Variants in MARCHF1 observed in about 807,000 individuals in gnomAD.
The protein encoded by MARCHF1 is membrane associated ring-CH-type finger 1, also known as E3 ubiquitin-protein ligase MARCHF1.
A neutral mutation model predicts 54.2 loss-of-function variants in MARCHF1; 40 were observed. That is an observed-to-expected ratio of 0.74 (90% confidence interval 0.57 to 0.96). The LOEUF is 0.96. Ranked by LOEUF, MARCHF1 falls within the 40% of genes least tolerant of loss-of-function variation. The pLI, the probability that MARCHF1 is intolerant of heterozygous loss-of-function variation, is 0.00. For missense variants in MARCHF1, 586 were observed against 656.5 expected (o/e 0.89, Z 1.17); for synonymous variants, 236 against 236.3 (o/e 1.00, Z 0.01).
intron 4 of MARCHF1, among the ~76,000 whole-genome samples, chr4:163,811,969 C>T (rs1487146718): frequency 6.6e-6 from 1 of 152,000 alleles, no homozygotes; most frequent in African/African-American, 2.4e-5. Context: ...AATGACTCTC[C>T]CCAATGTGGT....
chr4:164,038,234 C>T (rs1431232451), intron 2 of MARCHF1, among the ~76,000 whole-genome samples: 1 of 152,166 alleles, frequency 6.6e-6, no homozygotes, highest in African/African-American at 2.4e-5. Context: ...TGGCTTATAC[C>T]TGTAATCCCA....
chr4:163,823,343 G>A (rs961631545), intron 4 of MARCHF1, among the ~76,000 whole-genome samples: 1 of 151,770 alleles, frequency 6.6e-6, no homozygotes, highest in African/African-American at 2.4e-5. Context: ...GTTGATATAT[G>A]ATAGAATCAT....
intron 5 of MARCHF1, among the ~76,000 whole-genome samples, chr4:163,615,885 ACCC>A (rs1741493164): frequency 6.6e-6 from 1 of 152,094 alleles, no homozygotes; most frequent in Non-Finnish European, 1.5e-5. Flanking sequence ...AGACACATAG[ACCC>A]ATGGAACACA....
chr4:164,213,810 T>C (rs1731849275), intron 1 of MARCHF1, among the ~76,000 whole-genome samples: 1 of 151,964 alleles, frequency 6.6e-6, no homozygotes, highest in Admixed American at 6.5e-5. Context: ...ACAATAAAAA[T>C]CTTATTAATT....
At chr4:163,890,388 T>A (rs552592320) in intron 3 of MARCHF1, among the ~76,000 whole-genome samples, 5 of 152,298 alleles carry the variant, frequency 3.3e-5, no homozygotes, top group Admixed American at 6.5e-5. Flanking sequence ...CTCTGTTTTT[T>A]CTTCTTGTTT....
chr4:164,060,351 T>C (rs114360889), intron 2 of MARCHF1, among the ~76,000 whole-genome samples: 1,924 of 152,164 alleles, frequency 0.013, 29 homozygotes, highest in African/African-American at 0.041. Flanking sequence ...AAAAGACATA[T>C]TGTAGAATTT....
chr4:163,865,851 T>A (rs1240885173), intron 3 of MARCHF1, among the ~76,000 whole-genome samples: 1 of 151,638 alleles, frequency 6.6e-6, no homozygotes, highest in African/African-American at 2.4e-5. Flanking sequence ...ATGAATATAG[T>A]TTTTTTCTGA....
intron 4 of MARCHF1, among the ~76,000 whole-genome samples, chr4:163,703,242 A>G (rs950624011): frequency 6.6e-6 from 1 of 151,960 alleles, no homozygotes; most frequent in African/African-American, 2.4e-5. Context: ...TTTTTTTTAC[A>G]TAAACATCTT....
intron 3 of MARCHF1, among the ~76,000 whole-genome samples, chr4:163,894,480 A>G (rs1267764396): frequency 6.6e-6 from 1 of 151,408 alleles, no homozygotes; most frequent in Non-Finnish European, 1.5e-5. Flanking sequence ...CAGCCTCTGT[A>G]AGAATAAAGA....
At chr4:164,301,593 A>G (rs1439797769) in intron 1 of MARCHF1, among the ~76,000 whole-genome samples, 1 of 152,198 alleles carries the variant, frequency 6.6e-6, no homozygotes, top group Admixed American at 6.5e-5. Context: ...AAACCTTGGG[A>G]GTGGGCAAAA....
chr4:163,869,739 T>C (rs1254093550), intron 3 of MARCHF1, among the ~76,000 whole-genome samples: 4 of 152,128 alleles, frequency 2.6e-5, no homozygotes, highest in Non-Finnish European at 5.9e-5. Flanking sequence ...CAATGACTAT[T>C]CTATATTACA....
rs908715858 is a variant in MARCHF1, at chr4:164,275,185, C to CA, written c.-323+108684dup. Among the ~76,000 whole-genome samples, 196 of 151,318 alleles carry CA rather than the reference C, an allele frequency of 1.3e-3. 1 individual carries two copies. The highest frequency in any genetic ancestry group is 4.5e-3 in the African/African-American group (186 of 41,244). On this transcript the variant is annotated intron_variant, in intron 1 of 9. Coordinates refer to ENST00000514618, the MANE Select transcript of MARCHF1 (RefSeq NM_001394959.1). ...GTAACTACATACCAACACAGAATTCCAAAAAAAGAAATGGAGAGGAAGGGA... is the reference window on the plus strand; with the variant it reads ...GTAACTACATACCAACACAGAATTCCAAAAAAAAGAAATGGAGAGGAAGGGA...
intron 2 of MARCHF1, among the ~76,000 whole-genome samples, chr4:163,997,685 T>C (rs1409177643): frequency 1.3e-5 from 2 of 151,962 alleles, no homozygotes; most frequent in Non-Finnish European, 2.9e-5. Flanking sequence ...TATAGTAATA[T>C]ATTTTGCTAA....
intron 1 of MARCHF1, among the ~76,000 whole-genome samples, chr4:164,368,167 T>C (rs1730932759): frequency 6.7e-6 from 1 of 148,188 alleles, no homozygotes. Context: ...TTTTCTTATA[T>C]ATGTTTAAAA....
At chr4:163,895,174 T>C (rs938385278) in intron 3 of MARCHF1, among the ~76,000 whole-genome samples, 4 of 152,192 alleles carry the variant, frequency 2.6e-5, no homozygotes, top group African/African-American at 7.2e-5. Flanking sequence ...TGTATAACAA[T>C]GCACTTGCAA....
At chr4:163,724,861 G>A (rs533010374) in intron 4 of MARCHF1, among the ~76,000 whole-genome samples, 40 of 152,200 alleles carry the variant, frequency 2.6e-4, no homozygotes, top group Non-Finnish European at 4.7e-4. Context: ...TTGGAAAAGC[G>A]CAGTATTAGG....
chr4:163,784,729 A>G (rs1292355579), intron 4 of MARCHF1, among the ~76,000 whole-genome samples: 1 of 152,164 alleles, frequency 6.6e-6, no homozygotes, highest in Admixed American at 6.6e-5. Flanking sequence ...GAAAACAGTA[A>G]TCATTAAATG....
chr4:163,535,875 G>A (rs1049779325), intron 9 of MARCHF1, among the ~76,000 whole-genome samples: 12 of 151,930 alleles, frequency 7.9e-5, no homozygotes, highest in Admixed American at 7.2e-4. Flanking sequence ...TTGTTCTCTG[G>A]GGGACATTTA....
At chr4:164,081,741 T>C (rs529968656) in intron 2 of MARCHF1, among the ~76,000 whole-genome samples, 68 of 151,328 alleles carry the variant, frequency 4.5e-4, no homozygotes, top group Admixed American at 7.2e-4. Context: ...CACACACACA[T>C]ACACACACAA....
Sources: allele counts gnomAD v4.1 joint callset (sites outside exome capture counted in the v4.1 genomes callset), GRCh38; gene constraint gnomAD v4.1.1; transcripts MANE v1.5; gene names NCBI Gene and HGNC (gene_info 2026-07-23, HGNC 2026-07-21).